Variants in OXCT1 observed in about 807,000 individuals in gnomAD.
OXCT1 encodes succinyl-CoA:3-ketoacid coenzyme A transferase 1, mitochondrial.
OXCT1 carries 27 observed loss-of-function variants against 69.6 expected under a neutral mutation model. The observed-to-expected ratio is 0.39, with a 90% CI of 0.29 to 0.54. OXCT1 has a LOEUF of 0.54. Among genes scored for constraint, OXCT1 ranks in the 20% least tolerant of loss-of-function variants. The pLI is 0.72. For synonymous variants in OXCT1, 202 were observed against 217.8 expected (o/e 0.93, Z 0.64); for missense variants, 437 against 650.2 (o/e 0.67, Z 3.57).
chr5:41,862,777 T>C (rs1296916340), intron 1 of OXCT1, 27 bp from the exon 2 acceptor site: 5 of 1,323,146 alleles, frequency 3.8e-6, no homozygotes, highest in Admixed American at 3.4e-5. Flanking sequence ...AAAAAATTGA[T>C]AATCATTTGG....
chr5:41,757,206 G>A (rs994117543), intron 14 of OXCT1, among the ~76,000 whole-genome samples: 1 of 151,952 alleles, frequency 6.6e-6, no homozygotes, highest in African/African-American at 2.4e-5. Context: ...AACCTTTCTC[G>A]CTTTGTTCTT....
At chr5:41,833,530 A>AG (rs1168798249) in intron 7 of OXCT1, among the ~76,000 whole-genome samples, 1 of 151,690 alleles carries the variant, frequency 6.6e-6, no homozygotes, top group Non-Finnish European at 1.5e-5. Context: ...ATCTGAAAAA[A>AG]AAAAAAAAAG....
rs568443049 is a variant in OXCT1 at position 41,762,013 on chromosome 5, G to A, written c.1338+98C>T. On this transcript the variant is annotated intron_variant, in intron 14 of 16. Coordinates refer to ENST00000196371, the MANE Select transcript of OXCT1 (RefSeq NM_000436.4). This position sits in a 1 kb window ranked among gnomAD's most constrained non-coding sequence, Gnocchi z 4.0. ...ATGCTATCACCTTGAATGAGCCAGA[G>A]AAAATAAAATCCACAGTTAGGTGAC... is the stretch of plus-strand genomic sequence containing the variant. 2.4e-6 allele frequency: 2 copies of A among 822,526 alleles called. No homozygotes were observed. Among genetic ancestry groups the A allele is most frequent in the African/African-American group, 1.7e-5 (1 of 60,074 alleles). The allele number at this position is 822,526 out of a possible 1,614,324, so 51.0% of individuals were successfully genotyped here.
intron 7 of OXCT1, among the ~76,000 whole-genome samples, chr5:41,832,407 T>G (rs1429755103): frequency 6.6e-6 from 1 of 152,052 alleles, no homozygotes; most frequent in African/African-American, 2.4e-5. Flanking sequence ...AACAGCAGTC[T>G]CTACCTGGTA....
At chr5:41,767,720 G>GTATATATATATATATA (rs751695010) in intron 13 of OXCT1, among the ~76,000 whole-genome samples, 79 of 78,308 alleles carry the variant, frequency 1.0e-3, no homozygotes, top group African/African-American at 4.2e-3. Flanking sequence ...ATATATGTGT[G>GTATATATATATATATA]TGTATATATA....
intron 13 of OXCT1, among the ~76,000 whole-genome samples, chr5:41,792,114 A>G (rs1745951232): frequency 6.6e-6 from 1 of 152,184 alleles, no homozygotes; most frequent in Non-Finnish European, 1.5e-5. Flanking sequence ...GCAACTTCTT[A>G]TAAGAACAAT....
chr5:41,808,730 A>G (rs928485420), intron 7 of OXCT1, among the ~76,000 whole-genome samples: 13 of 151,382 alleles, frequency 8.6e-5, no homozygotes, highest in African/African-American at 3.2e-4. Flanking sequence ...CCCCTTGAAA[A>G]CTCTGTATGC....
rs1746866050 is a variant in OXCT1 at position 41,809,651 on chromosome 5, GA to G, written c.733-2214del. ...GGCAAAGAACATAATAAAAAAGGAA[GA>G]AAAAAAAGTATTGCTCACTTAAACT... On this transcript the variant is annotated intron_variant, in intron 7 of 16. Transcript: ENST00000196371. 4.0e-5 allele frequency among the ~76,000 whole-genome samples: 6 copies of G among 150,002 alleles called. No individual in the cohort carries two copies. The South Asian group carries it at 1.3e-3, about 31-fold the overall frequency.
intron 7 of OXCT1, among the ~76,000 whole-genome samples, chr5:41,819,175 A>C (rs1747404436): frequency 6.6e-6 from 1 of 152,210 alleles, no homozygotes; most frequent in Non-Finnish European, 1.5e-5. Context: ...AAAAGTTGTT[A>C]AACCAAAAGA....
chr5:41,737,580 C>T (rs749375762), intron 16 of OXCT1, among the ~76,000 whole-genome samples: 5 of 152,142 alleles, frequency 3.3e-5, no homozygotes, highest in Admixed American at 6.5e-5. Context: ...AAAGTATAAG[C>T]ATATCCTTCC....
At chr5:41,774,335 G>A (rs1745020680) in intron 13 of OXCT1, among the ~76,000 whole-genome samples, 1 of 152,114 alleles carries the variant, frequency 6.6e-6, no homozygotes, top group Non-Finnish European at 1.5e-5. Context: ...CCATTGAGAA[G>A]GGCTAGAAGC....
At chr5:41,827,184 C>T (rs540401906) in intron 7 of OXCT1, among the ~76,000 whole-genome samples, 3 of 152,278 alleles carry the variant, frequency 2.0e-5, no homozygotes, top group South Asian at 2.1e-4. Context: ...TCCAAATGCA[C>T]TTAAAATCCA....
At position 41,870,168 on chromosome 5, in the gene OXCT1, C is replaced by T; in HGVS notation, c.78+113G>A. 1.1e-6 allele frequency: 1 copy of T among 872,686 alleles called. No homozygotes were observed. The highest frequency in any genetic ancestry group is 1.9e-6 in the Non-Finnish European group (1 of 527,074). The allele number at this position is 872,686 out of a possible 1,614,324, so 54.1% of individuals were successfully genotyped here. A position where few individuals can be genotyped will look rare whatever the true frequency, so the allele number is the denominator to read the frequency against. ...TGACCAGGGCACCGCGCCACGGATG[C>T]CAGATCCCAGGCTGGAGAGAGCGGG... On this transcript the variant is annotated intron_variant, in intron 1 of 16. Transcript: ENST00000196371. This position sits in a 1 kb window ranked among gnomAD's most constrained non-coding sequence, Gnocchi z 4.2.
Position 41,762,340 on chromosome 5 carries a change from C to A in OXCT1, c.1249-140G>T. On this transcript the variant is annotated intron_variant, in intron 13 of 16. Transcript: ENST00000196371. This position sits in a 1 kb window ranked among gnomAD's most constrained non-coding sequence, Gnocchi z 4.0. Reference sequence around the variant, plus strand: ...TGCTTAGTGCTTGAAGTTCTATAACCTAATATTCTGTCACTCTATTATTCT... The same window carrying A: ...TGCTTAGTGCTTGAAGTTCTATAACATAATATTCTGTCACTCTATTATTCT... The A allele has an allele frequency of 2.7e-6, 2 of 749,490 alleles. No individual in the cohort carries two copies. The highest frequency in any genetic ancestry group is 1.4e-5 in the South Asian group (1 of 69,526). The allele number at this position is 749,490 out of a possible 1,614,324, so 46.4% of individuals were successfully genotyped here.
intron 13 of OXCT1, among the ~76,000 whole-genome samples, chr5:41,793,093 C>A (rs980208919): frequency 6.6e-6 from 1 of 152,204 alleles, no homozygotes; most frequent in African/African-American, 2.4e-5. Context: ...GCTAGACTAA[C>A]ATGATCTCTA....
chr5:41,847,573 T>A, intron 5 of OXCT1, among the ~76,000 whole-genome samples: 1 of 151,404 alleles, frequency 6.6e-6, no homozygotes. Flanking sequence ...ATCAAAAAGC[T>A]TATCCACCAT....
In OXCT1 at chr5:41,862,668, G is replaced by A; in HGVS notation, c.161C>T (p.Pro54Leu). 6.2e-7 allele frequency: 1 copy of A among 1,611,312 alleles called. No homozygotes were observed. The highest frequency in any genetic ancestry group is 8.5e-7 in the Non-Finnish European group (1 of 1,177,740). ...TDPVEAVKDI[P>L]DGATVLVGGF... ...ACCAACCAAAACCGTGGCACCATCA[G>A]GGATGTCTTTTACAGCTTCTACTGG... Residue 54 changes from proline (P) to leucine (L), a missense_variant, in exon 2 of 17, where the codon CCT becomes CTT. Physicochemically the swap from Pro to Leu is moderately conservative, Grantham distance 98 (BLOSUM62 -3). Coordinates refer to ENST00000196371, the MANE Select transcript of OXCT1 (RefSeq NM_000436.4).
At chr5:41,738,404 G>A (rs1317472736) in intron 16 of OXCT1, among the ~76,000 whole-genome samples, 1 of 152,136 alleles carries the variant, frequency 6.6e-6, no homozygotes, top group African/African-American at 2.4e-5. Flanking sequence ...TGCTGTTCTT[G>A]TGATAGTGAG....
intron 13 of OXCT1, among the ~76,000 whole-genome samples, chr5:41,791,817 T>TA (rs1232034187): frequency 6.6e-6 from 1 of 152,074 alleles, no homozygotes; most frequent in Non-Finnish European, 1.5e-5. Context: ...TTTTTTTTTT[T>TA]ATGAGACGGA....
Sources: allele counts gnomAD v4.1 joint callset (sites outside exome capture counted in the v4.1 genomes callset), GRCh38; gene constraint gnomAD v4.1.1; non-coding constraint Gnocchi (gnomAD v3.1); transcripts MANE v1.5; gene names NCBI Gene and HGNC (gene_info 2026-07-23, HGNC 2026-07-21).